POU2AF1: variants seen among roughly 807,000 people sequenced by gnomAD.
POU2AF1 encodes the protein POU domain class 2-associating factor 1.
Under a neutral mutation model 26.3 loss-of-function variants are expected in POU2AF1, and 12 were observed. That is an observed-to-expected ratio of 0.46 (90% CI 0.29 to 0.74). The LOEUF (loss-of-function observed/expected upper bound fraction) is 0.74. Ranked by LOEUF, POU2AF1 falls within the 30% of genes least tolerant of loss-of-function variation. POU2AF1 has a pLI of 0.09. For missense variants in POU2AF1, 297 were observed against 334.5 expected (o/e 0.89, Z 0.87); for synonymous variants, 175 against 148.0 (o/e 1.18, Z -1.32).
At chr11:111,378,858 C>T (rs1213051189) in intron 1 of POU2AF1, among the ~76,000 whole-genome samples, 6 of 152,216 alleles carry the variant, frequency 3.9e-5, no homozygotes, top group Non-Finnish European at 5.9e-5. Context: ...GAATCATAAA[C>T]TGCCCTTTCT....
intron 1 of POU2AF1, among the ~76,000 whole-genome samples, chr11:111,376,610 G>A (rs527611606): frequency 3.7e-4 from 57 of 152,304 alleles, no homozygotes; most frequent in African/African-American, 1.3e-3. Context: ...GGGCTAGGTA[G>A]GGAGGAGGTA....
intron 2 of POU2AF1, among the ~76,000 whole-genome samples, 159 bp downstream of exon 2, chr11:111,358,627 TTC>T (rs141438046): frequency 0.53 from 76,580 of 145,508 alleles, 21,028 homozygotes; most frequent in Admixed American, 0.63. Context: ...CAGATACACA[TTC>T]TCTCTCACAC....
In POU2AF1 at chr11:111,379,267, C is replaced by G; in HGVS notation, c.-90G>C. 1 of 1,537,252 alleles carries G rather than the reference C, an allele frequency of 6.5e-7. No individual in the cohort carries two copies. Among genetic ancestry groups the G allele is most frequent in the Non-Finnish European group, 9.0e-7 (1 of 1,110,230 alleles). ...CGGGGTGTGTTTTCCTCCAGTGGAG[C>G]CACCGCTTGAGCTGAGGCTGTTTCC... is the stretch of plus-strand genomic sequence containing the variant. On this transcript the variant is annotated 5_prime_UTR_variant, in exon 1 of 5. Transcript: ENST00000393067.
intron 1 of POU2AF1, chr11:111,363,260 A>G (rs1861045198): frequency 2.0e-6 from 2 of 1,021,894 alleles, no homozygotes; most frequent in Non-Finnish European, 2.3e-6. Flanking sequence ...CCAGCTGCCA[A>G]GGAATTCTGT....
At chr11:111,378,601 C>T (rs998167578) in intron 1 of POU2AF1, among the ~76,000 whole-genome samples, 1 of 152,090 alleles carries the variant, frequency 6.6e-6, no homozygotes, top group African/African-American at 2.4e-5. Flanking sequence ...AAAAGAATGA[C>T]GAAAGGCAAG....
intron 1 of POU2AF1, among the ~76,000 whole-genome samples, chr11:111,373,975 A>T (rs1861261693): frequency 6.6e-6 from 1 of 152,250 alleles, no homozygotes; most frequent in South Asian, 2.1e-4. Context: ...CATCTTCATT[A>T]AGTGGGAAGA....
chr11:111,374,435 A>G (rs1236074941), intron 1 of POU2AF1, among the ~76,000 whole-genome samples: 1 of 152,172 alleles, frequency 6.6e-6, no homozygotes, highest in Non-Finnish European at 1.5e-5. Flanking sequence ...GGTGGTTCAC[A>G]CCTGTAATCC....
chr11:111,358,545 CAT>C (rs1314167385), intron 2 of POU2AF1, among the ~76,000 whole-genome samples: 12 of 151,746 alleles, frequency 7.9e-5, no homozygotes, highest in Admixed American at 2.6e-4. Context: ...CACACAAACA[CAT>C]ACACACTCAC....
chr11:111,361,909 C>T (rs1460857941), intron 1 of POU2AF1, among the ~76,000 whole-genome samples: 1 of 152,150 alleles, frequency 6.6e-6, no homozygotes, highest in African/African-American at 2.4e-5. Context: ...GGACAGATAC[C>T]AGGTGTCCCC....
chr11:111,378,777 C>A (rs11213861), intron 1 of POU2AF1, among the ~76,000 whole-genome samples: 3 of 152,180 alleles, frequency 2.0e-5, no homozygotes, highest in African/African-American at 4.8e-5. Flanking sequence ...AAATAAAGCC[C>A]CTCCTGTAAA....
intron 1 of POU2AF1, among the ~76,000 whole-genome samples, chr11:111,360,886 G>A (rs1860993705): frequency 6.6e-6 from 1 of 150,916 alleles, no homozygotes; most frequent in South Asian, 2.1e-4. Context: ...GGAGGTTGCA[G>A]TGAGCTGAGA....
At chr11:111,375,732 A>G (rs1261721378) in intron 1 of POU2AF1, among the ~76,000 whole-genome samples, 1 of 152,204 alleles carries the variant, frequency 6.6e-6, no homozygotes, top group African/African-American at 2.4e-5. Context: ...TGAATGCCTG[A>G]AGAACCAAGC....
At chr11:111,371,080 T>C (rs187041292) in intron 1 of POU2AF1, among the ~76,000 whole-genome samples, 151 of 152,354 alleles carry the variant, frequency 9.9e-4, no homozygotes, top group Non-Finnish European at 1.8e-3. Context: ...TCTTCTTTTC[T>C]TTCCTTTCTG....
At chr11:111,367,358 A>G (rs1053303131) in intron 1 of POU2AF1, among the ~76,000 whole-genome samples, 13 of 152,118 alleles carry the variant, frequency 8.5e-5, no homozygotes, top group African/African-American at 2.9e-4. Flanking sequence ...TATTTGCATG[A>G]TGTTCCATAG....
chr11:111,372,332 C>A (rs564806706), intron 1 of POU2AF1, among the ~76,000 whole-genome samples: 54 of 152,256 alleles, frequency 3.5e-4, no homozygotes, highest in Admixed American at 1.6e-3. Flanking sequence ...CAAGCAGAGA[C>A]CTTGTTTTCT....
chr11:111,378,082 G>A (rs1333061132), intron 1 of POU2AF1, among the ~76,000 whole-genome samples: 1 of 152,074 alleles, frequency 6.6e-6, no homozygotes, highest in East Asian at 1.9e-4. Context: ...AAGACATAAA[G>A]CAAACAATAA....
intron 1 of POU2AF1, among the ~76,000 whole-genome samples, chr11:111,375,646 G>T (rs1341857180): frequency 6.6e-6 from 1 of 151,988 alleles, no homozygotes; most frequent in Non-Finnish European, 1.5e-5. Context: ...TGATCTGCCC[G>T]CCTTGGCCTC....
chr11:111,354,716 T>G, intron 4 of POU2AF1, 141 bp from the exon 5 acceptor site: 1 of 758,446 alleles, frequency 1.3e-6, no homozygotes, highest in Non-Finnish European at 2.0e-6. Flanking sequence ...CACCTCCTCC[T>G]GCTCAAAGTC....
At chr11:111,374,290 T>C (rs4245181) in intron 1 of POU2AF1, among the ~76,000 whole-genome samples, 149,518 of 152,266 alleles carry the variant, frequency 0.98, 73,467 homozygotes, top group East Asian at 1. Context: ...ATCATCTGCT[T>C]TTTTACCAAT....
Sources: gnomAD v4.1 joint callset for allele counts (sites outside exome capture counted in the v4.1 genomes callset) on GRCh38, gnomAD v4.1.1 for gene constraint, MANE v1.5 for transcripts, NCBI Gene and HGNC (gene_info 2026-07-23, HGNC 2026-07-21) for gene names.